The following SLC12A5 variants were observed in gnomAD, a reference collection of about 807,000 sequenced individuals.
The protein encoded by SLC12A5 is solute carrier family 12 member 5, also known as K-Cl cotransporter 2.
SLC12A5 carries 18 observed loss-of-function variants against 124.0 expected under a neutral mutation model. The ratio of observed to expected loss-of-function variants is 0.15; its 90% CI spans 0.10 to 0.22. The LOEUF (loss-of-function observed/expected upper bound fraction) is 0.22, where lower values mean the gene tolerates loss of function less well. SLC12A5 is among the 10% of genes least tolerant of loss of function. SLC12A5 has a pLI of 1.00. For synonymous variants in SLC12A5, 589 were observed against 568.0 expected, an observed-to-expected ratio of 1.04 and a Z score of -0.53; for missense variants, 867 against 1,478.7, an observed-to-expected ratio of 0.59 and a Z score of 6.78.
At position 46,053,060 on chromosome 20, in the gene SLC12A5, C is replaced by T. The variant is rs368618520; in HGVS notation, c.2481C>T (p.Asp827=). The T allele has an allele frequency of 7.7e-5, 124 of 1,614,048 alleles. No homozygotes were observed. The highest frequency in any genetic ancestry group is 2.7e-4 in the East Asian group (12 of 44,884). The change falls in exon 19 of 26, where the codon GAC becomes GAT. Residue 827 remains aspartate, a synonymous_variant. Coordinates refer to ENST00000243964, the MANE Select transcript of SLC12A5 (RefSeq NM_020708.5). This position sits in a 1 kb window ranked among gnomAD's most constrained non-coding sequence, Gnocchi z 4.7. ...AGCGCTTCTCTGAGGGCAGCATCGA[C>T]GTTTGGTGGATTGTGCACGATGGAG... ...NPERFSEGSI[D]VWWIVHDGGM...
Position 46,051,684 on chromosome 20 carries a change from C to T in SLC12A5, c.2191C>T (p.Arg731Cys), listed in dbSNP as rs1197752454. Residue 731 changes from arginine to cysteine, a missense_variant, in exon 18 of 26, where the codon CGC becomes TGC. Around this residue, in one of 9 missense-constraint regions of SLC12A5, gnomAD observed 110 missense variants for 149.9 expected, o/e 0.73. Transcript: ENST00000243964. ...QAQRAEESIR[R>C]LMEAEKVKGF... Reference sequence around the variant, plus strand: ...TTTCCCCCTCCCCTAGTCTATCAGGCGCCTGATGGAGGCAGAGAAGGTGAA... The same window carrying T: ...TTTCCCCCTCCCCTAGTCTATCAGGTGCCTGATGGAGGCAGAGAAGGTGAA... The T allele has an allele frequency of 3.1e-6, 5 of 1,608,044 alleles. No individual in the cohort carries two copies. Among genetic ancestry groups the T allele is most frequent in the South Asian group, 2.2e-5 (2 of 90,054 alleles).
upstream of SLC12A5, chr20:46,029,056 C>A: frequency 8.6e-7 from 1 of 1,163,320 alleles, no homozygotes; most frequent in Non-Finnish European, 1.1e-6. Context: ...CGCCCCTCAT[C>A]TTCTCTTCTC....
At position 46,057,122 on chromosome 20, in the gene SLC12A5, C is replaced by A. The variant is rs374397338; in HGVS notation, c.3126-48C>A. The A allele has an allele frequency of 6.2e-7, 1 of 1,611,052 alleles. No homozygotes were observed. Among genetic ancestry groups the A allele is most frequent in the African/African-American group, 1.3e-5 (1 of 74,978 alleles). On this transcript the variant is annotated intron_variant, in intron 24 of 25. Coordinates refer to ENST00000243964, the MANE Select transcript of SLC12A5 (RefSeq NM_020708.5). This position sits in a 1 kb window ranked among gnomAD's most constrained non-coding sequence, Gnocchi z 7.1. ...TGGAAGGGCGACTGGCTCCAATCTT[C>A]TCTACCCCCCCGGCTCACGCGGTCT...
At chr20:46,044,527 G>A (rs1307337170) in intron 11 of SLC12A5, among the ~76,000 whole-genome samples, 3 of 152,174 alleles carry the variant, frequency 2.0e-5, no homozygotes, top group Non-Finnish European at 4.4e-5. Context: ...CTTGGAGGAA[G>A]GGCATTCCAG....
chr20:46,049,626 C>A lies in SLC12A5; in HGVS notation c.2017C>A (p.Gln673Lys). The change falls in exon 17 of 26, where the codon CAG (glutamine) becomes AAG (lysine). Residue 673 changes from glutamine to lysine, a missense_variant. By Grantham distance (53) the Gln-to-Lys change is moderately conservative. Transcript: ENST00000243964. Reference sequence around the variant, plus strand: ...GTGACTCTGCACACTCTTCAGGCCACAGCTGCTGGTGCTGGTGCGTGTGGA... The same window carrying A: ...GTGACTCTGCACACTCTTCAGGCCAAAGCTGCTGGTGCTGGTGCGTGTGGA... ...GPPHTKNWRP[Q>K]LLVLVRVDQD... 6.2e-7 allele frequency: 1 copy of A among 1,601,610 alleles called. No homozygotes were observed.
At position 46,051,845 on chromosome 20, in the gene SLC12A5, T is replaced by C; in HGVS notation, c.2352T>C (p.Asp784=). The change falls in exon 18 of 26, where the codon GAT becomes GAC. Residue 784 remains aspartate (D), a synonymous_variant. Transcript: ENST00000243964. ...CCCGCAACTGGCGCCAGAAGGAAGATCATCAGACGTGGAGGAACTTCATTG... is the reference window on the plus strand; with the variant it reads ...CCCGCAACTGGCGCCAGAAGGAAGACCATCAGACGTGGAGGAACTTCATTG... ...GWPRNWRQKE[D]HQTWRNFIEL... is the part of the protein sequence containing the mutation. The C allele has an allele frequency of 7.0e-7, 1 of 1,431,248 alleles. No homozygotes were observed. Among genetic ancestry groups the C allele is most frequent in the Non-Finnish European group, 9.3e-7 (1 of 1,075,972 alleles). 88.7% of individuals were successfully genotyped at this position (1,431,248 alleles called of 1,614,324 possible).
chr20:46,025,698 C>T (rs1323927912), upstream of SLC12A5, among the ~76,000 whole-genome samples: 1 of 152,182 alleles, frequency 6.6e-6, no homozygotes, highest in African/African-American at 2.4e-5. Flanking sequence ...GCCACGGAGA[C>T]AGTGGTGGTT....
In SLC12A5 at chr20:46,041,485, A is replaced by G; in HGVS notation, c.1011A>G (p.Arg337=). The change falls in exon 8 of 26, where the codon CGA becomes CGG. Residue 337 remains arginine (R), a synonymous_variant. Coordinates refer to ENST00000243964, the MANE Select transcript of SLC12A5 (RefSeq NM_020708.5). ...CCACCTGTGATGAATACTTCACCCGAAACAATGTCACAGAGATCCAGGGCA... is the reference window on the plus strand; with the variant it reads ...CCACCTGTGATGAATACTTCACCCGGAACAATGTCACAGAGATCCAGGGCA... ...LNATCDEYFT[R]NNVTEIQGIP... 1 of 1,614,106 alleles carries G rather than the reference A, an allele frequency of 6.2e-7. No individual in the cohort carries two copies. The highest frequency in any genetic ancestry group is 8.5e-7 in the Non-Finnish European group (1 of 1,180,024).
intron 1 of SLC12A5, among the ~76,000 whole-genome samples, chr20:46,033,205 G>A (rs1199148245): frequency 2.0e-4 from 31 of 152,176 alleles, no homozygotes; most frequent in Admixed American, 1.9e-3. Flanking sequence ...AGGTAGAGAG[G>A]AGGATGGGGA....
intron 1 of SLC12A5, among the ~76,000 whole-genome samples, chr20:46,031,310 T>C (rs2084447465): frequency 6.6e-6 from 1 of 152,162 alleles, no homozygotes; most frequent in African/African-American, 2.4e-5. Context: ...ACCTTCTTTC[T>C]ATACATAGGG....
In SLC12A5 at chr20:46,055,013, G is replaced by A. The variant is rs766162823; in HGVS notation, c.2777G>A (p.Arg926Gln). ...CAGATGCATTTAACCAAGAATGAGC[G>A]GGAGCGGGAGGTGAGGTTGCCCTGG... ...LKQMHLTKNE[R>Q]EREIQSITDE... Residue 926 changes from arginine (R) to glutamine (Q), a missense_variant, in exon 21 of 26, where the codon CGG becomes CAG. Arg to Gln is a conservative substitution (Grantham distance 43). Around this residue, in one of 9 missense-constraint regions of SLC12A5, gnomAD observed 70 missense variants for 157.2 expected, o/e 0.45. Coordinates refer to ENST00000243964, the MANE Select transcript of SLC12A5 (RefSeq NM_020708.5). 20 of 1,613,798 alleles carry A rather than the reference G, an allele frequency of 1.2e-5. No individual in the cohort carries two copies. Among genetic ancestry groups the A allele is most frequent in the Non-Finnish European group, 1.6e-5 (19 of 1,179,728 alleles).
At chr20:46,043,523 G>T in intron 9 of SLC12A5, 110 bp from the exon 10 acceptor site, 1 of 1,259,474 alleles carries the variant, frequency 7.9e-7, no homozygotes, top group Non-Finnish European at 1.1e-6. Context: ...AAGCCAGTAT[G>T]TTAGGACTAG....
rs2145473603 is a variant in SLC12A5, at chr20:46,029,291, G to C, written c.-54G>C. 2 of 1,520,118 alleles carry C rather than the reference G, an allele frequency of 1.3e-6. No homozygotes were observed. Among genetic ancestry groups the C allele is most frequent in the Non-Finnish European group, 1.8e-6 (2 of 1,134,126 alleles). 94.2% of individuals were successfully genotyped at this position (1,520,118 alleles called of 1,614,324 possible). On this transcript the variant is annotated 5_prime_UTR_variant, in exon 1 of 26. Transcript: ENST00000243964. Reference sequence around the variant, plus strand: ...CGAGAGAGCGGCGAAGGCGGGTAGAGGGGCGCGGGCGAGGCGGCGCAGCCA... The same window carrying C: ...CGAGAGAGCGGCGAAGGCGGGTAGACGGGCGCGGGCGAGGCGGCGCAGCCA...
rs893437110 is a variant in SLC12A5, at chr20:46,057,416, C to G, written c.3260-98C>G. 3.7e-6 allele frequency: 6 copies of G among 1,603,996 alleles called. No individual in the cohort carries two copies. Among genetic ancestry groups the G allele is most frequent in the East Asian group, 4.5e-5 (2 of 44,788 alleles). ...CCTGCCTCCGGATCAGCACCTCGGACAGGGACACGGGCGCGAGAGGTCCCC... is the reference window on the plus strand; with the variant it reads ...CCTGCCTCCGGATCAGCACCTCGGAGAGGGACACGGGCGCGAGAGGTCCCC... On this transcript the variant is annotated intron_variant, in intron 25 of 25. Transcript: ENST00000243964. The surrounding 1 kb of genome is among the most constrained non-coding windows in gnomAD (Gnocchi z 7.1).
chr20:46,051,943 G>C (rs774099125), intron 18 of SLC12A5, 73 bp downstream of exon 18: 85 of 1,268,734 alleles, frequency 6.7e-5, no homozygotes, highest in Non-Finnish European at 8.5e-5. Context: ...CTGGATTTCC[G>C]CTCCTTTGGG....
intron 5 of SLC12A5, 29 bp from the exon 6 acceptor site, chr20:46,037,226 C>G: frequency 6.3e-7 from 1 of 1,575,648 alleles, no homozygotes; most frequent in Non-Finnish European, 8.6e-7. Flanking sequence ...GCCCCCGACC[C>G]TCTCGCTGAT....
rs1250667502 is a variant in SLC12A5 at position 46,045,261 on chromosome 20, T to G, written c.1569+121T>G. The G allele has an allele frequency of 6.8e-6, 8 of 1,171,570 alleles. No homozygotes were observed. The highest frequency in any genetic ancestry group is 9.3e-6 in the Non-Finnish European group (8 of 859,158). 72.6% of individuals were successfully genotyped at this position (1,171,570 alleles called of 1,614,324 possible). ...ACTACCTCCTGGGCCACTTCTGCTC[T>G]GTACTGCACTGGCCAGGCCTATCTG... is the stretch of plus-strand genomic sequence containing the variant. On this transcript the variant is annotated intron_variant, in intron 12 of 25. Transcript: ENST00000243964. The surrounding 1 kb of genome is among the most constrained non-coding windows in gnomAD (Gnocchi z 4.9).
At chr20:46,047,651 G>T in intron 15 of SLC12A5, 78 bp downstream of exon 15, 4 of 1,544,442 alleles carry the variant, frequency 2.6e-6, no homozygotes, top group South Asian at 1.2e-5. Context: ...GGGTCATGAG[G>T]GATTGGGGTG....
At chr20:46,041,051 AG>A in intron 7 of SLC12A5, 1 of 392,576 alleles carries the variant, frequency 2.5e-6, no homozygotes, top group Non-Finnish European at 4.7e-6. Flanking sequence ...TCCACTGCTC[AG>A]AGGTGGAGGG....
Sources: allele counts gnomAD v4.1 joint callset (sites outside exome capture counted in the v4.1 genomes callset), GRCh38; gene constraint gnomAD v4.1.1; regional missense constraint gnomAD v4.1.1; non-coding constraint Gnocchi (gnomAD v3.1); transcripts MANE v1.5; gene names NCBI Gene and HGNC (gene_info 2026-07-23, HGNC 2026-07-21).